Variants in DBF4 observed in about 807,000 individuals in gnomAD.
DBF4 encodes the protein protein DBF4 homolog A.
In DBF4, 25 loss-of-function variants were observed where a neutral mutation model predicts 76.6. The ratio of observed to expected loss-of-function variants is 0.33; its 90% CI spans 0.24 to 0.46. DBF4 has a LOEUF of 0.46. DBF4 is among the 20% of genes least tolerant of loss of function. The pLI is 1.00. For synonymous variants in DBF4, 213 were observed against 258.0 expected, an observed-to-expected ratio of 0.83 and a Z score of 1.67; for missense variants, 638 against 760.8, an observed-to-expected ratio of 0.84 and a Z score of 1.90.
At chr7:87,894,487 A>T (rs1839579237) in intron 6 of DBF4, among the ~76,000 whole-genome samples, 1 of 152,194 alleles carries the variant, frequency 6.6e-6, no homozygotes, top group South Asian at 2.1e-4. Flanking sequence ...GTTTTAAAGA[A>T]AGCGACAGGA....
chr7:87,903,970 A>G (rs891799677), intron 10 of DBF4, among the ~76,000 whole-genome samples: 17 of 152,178 alleles, frequency 1.1e-4, no homozygotes, highest in African/African-American at 3.9e-4. Flanking sequence ...TGCTGGGATT[A>G]CAGGCATGAG....
chr7:87,876,631 A>T lies in DBF4; in HGVS notation c.-102A>T. 1 of 1,313,038 alleles carries T rather than the reference A, an allele frequency of 7.6e-7. No homozygotes were observed. Among genetic ancestry groups the T allele is most frequent in the Non-Finnish European group, 1.1e-6 (1 of 929,892 alleles). The allele number at this position is 1,313,038 out of a possible 1,614,324, so 81.3% of individuals were successfully genotyped here. A position where few individuals can be genotyped will look rare whatever the true frequency, so the allele number is the denominator to read the frequency against. ...TAGAGGCCGTAGCTGGCGGAAGGAG[A>T]GAGGCGGCCGTCCTGTCAACAGGCC... On this transcript the variant is annotated 5_prime_UTR_variant, in exon 1 of 12. Coordinates refer to ENST00000265728, the MANE Select transcript of DBF4 (RefSeq NM_006716.4).
At chr7:87,887,456 T>A in intron 5 of DBF4, 58 bp downstream of exon 5, 1 of 1,487,254 alleles carries the variant, frequency 6.7e-7, no homozygotes, top group South Asian at 1.3e-5. Context: ...ATGTCTGTCC[T>A]TTGGTTCCTG....
At chr7:87,886,967 T>C in intron 4 of DBF4, 73 bp downstream of exon 4, 1 of 1,067,232 alleles carries the variant, frequency 9.4e-7, no homozygotes, top group Non-Finnish European at 1.4e-6. Flanking sequence ...ACAGATATTC[T>C]TGAAATTTTC....
At chr7:87,881,209 C>T (rs201862240) in intron 2 of DBF4, among the ~76,000 whole-genome samples, 43 of 152,218 alleles carry the variant, frequency 2.8e-4, no homozygotes, top group East Asian at 2.3e-3. Context: ...GAGTTTGAGA[C>T]CAGCCTGGCC....
chr7:87,888,519 A>T (rs555328493), intron 6 of DBF4, among the ~76,000 whole-genome samples: 20 of 152,212 alleles, frequency 1.3e-4, no homozygotes, highest in Non-Finnish European at 2.9e-4. Context: ...CGTTCTGTTA[A>T]ACCTAATGTT....
intron 6 of DBF4, among the ~76,000 whole-genome samples, chr7:87,890,334 A>T (rs941329685): frequency 6.6e-6 from 1 of 152,204 alleles, no homozygotes; most frequent in African/African-American, 2.4e-5. Context: ...AGGTCAGGAT[A>T]CCAGCATGAC....
chr7:87,888,327 G>GA lies in DBF4; in HGVS notation c.597+273dup, dbSNP rs1028705417. ...AACAGGTACTTTTATTTATTCTGTA[G>GA]AAAAATCACTAAAATCAGCCTGTTG... On this transcript the variant is annotated intron_variant, in intron 6 of 11. Coordinates refer to ENST00000265728, the MANE Select transcript of DBF4 (RefSeq NM_006716.4). 16 of 984,804 alleles carry GA rather than the reference G, an allele frequency of 1.6e-5. No homozygotes were observed. The East Asian group carries it at 1.0e-3, about 63-fold the overall frequency. The allele number at this position is 984,804 out of a possible 1,614,324, so 61.0% of individuals were successfully genotyped here.
intron 6 of DBF4, among the ~76,000 whole-genome samples, chr7:87,888,671 G>A (rs1246985666): frequency 1.3e-5 from 2 of 152,178 alleles, no homozygotes; most frequent in Non-Finnish European, 2.9e-5. Context: ...TCTAATCCTT[G>A]TAATTCCTCA....
At position 87,876,566 on chromosome 7, in the gene DBF4, C is replaced by T. The variant is rs79407572; in HGVS notation, c.-167C>T. 26 of 691,114 alleles carry T rather than the reference C, an allele frequency of 3.8e-5. No homozygotes were observed. Among genetic ancestry groups the T allele is most frequent in the Middle Eastern group, 4.0e-4 (1 of 2,506 alleles). 42.8% of individuals were successfully genotyped at this position (691,114 alleles called of 1,614,324 possible). On this transcript the variant is annotated 5_prime_UTR_variant, in exon 1 of 12. Coordinates refer to ENST00000265728, the MANE Select transcript of DBF4 (RefSeq NM_006716.4). Reference sequence around the variant, plus strand: ...CTCCGCGCCTTGGAGCCGGATCCGGCCCCGGAAACCCGACCTGCAGACGCG... The same window carrying T: ...CTCCGCGCCTTGGAGCCGGATCCGGTCCCGGAAACCCGACCTGCAGACGCG...
At chr7:87,880,626 ATTACT>A (rs1839188348) in intron 2 of DBF4, among the ~76,000 whole-genome samples, 1 of 151,954 alleles carries the variant, frequency 6.6e-6, no homozygotes, top group African/African-American at 2.4e-5. Flanking sequence ...TCTTCACATC[ATTACT>A]TTAGGTGCCT....
chr7:87,884,948 T>A (rs1839307912), intron 2 of DBF4, 31 bp from the exon 3 acceptor site: 2 of 1,544,628 alleles, frequency 1.3e-6, no homozygotes, highest in African/African-American at 2.8e-5. Context: ...TAAAACAAAT[T>A]TATAAATAAA....
chr7:87,881,846 A>T (rs530545162), intron 2 of DBF4, among the ~76,000 whole-genome samples: 1 of 152,350 alleles, frequency 6.6e-6, no homozygotes, highest in East Asian at 1.9e-4. Context: ...TGCCGTTTGG[A>T]ATCAACAGAG....
At chr7:87,893,678 G>A (rs995306260) in intron 6 of DBF4, among the ~76,000 whole-genome samples, 1 of 152,142 alleles carries the variant, frequency 6.6e-6, no homozygotes, top group Non-Finnish European at 1.5e-5. Context: ...TATTTACATA[G>A]TACTTTTTGC....
chr7:87,907,840 A>G lies in DBF4; in HGVS notation c.1702A>G (p.Ser568Gly). The G allele has an allele frequency of 6.2e-7, 1 of 1,613,866 alleles. No individual in the cohort carries two copies. The highest frequency in any genetic ancestry group is 8.5e-7 in the Non-Finnish European group (1 of 1,179,936). The change falls in exon 12 of 12, where the codon AGT becomes GGT. Residue 568 changes from serine to glycine, a missense_variant. Transcript: ENST00000265728. The part of the protein sequence containing the change: ...PNECDFKNMD[S>G]LPSGKIHRKV... ...TGAATGTGACTTCAAGAATATGGAT[A>G]GTTTACCTTCTGGTAAAATACATCG...
chr7:87,902,905 C>A (rs576413768), intron 10 of DBF4, among the ~76,000 whole-genome samples: 8 of 152,218 alleles, frequency 5.3e-5, no homozygotes, highest in Admixed American at 1.3e-4. Flanking sequence ...AAATTAGGTT[C>A]TTTAATGGTC....
In DBF4 at chr7:87,876,947, C is replaced by T. The variant is rs147089925; in HGVS notation, c.46+169C>T. Among the ~76,000 whole-genome samples, 630 of 152,294 alleles carry T rather than the reference C, an allele frequency of 4.1e-3. 5 individuals carry two copies. The highest frequency in any genetic ancestry group is 6.1e-3 in the Non-Finnish European group (412 of 68,020). On this transcript the variant is annotated intron_variant, in intron 1 of 11. Coordinates refer to ENST00000265728, the MANE Select transcript of DBF4 (RefSeq NM_006716.4). ...GTTCAGTGTTTTGCCTAAGAAGGAA[C>T]GGATCCTGACCCGGCCCCTCGAGCG...
rs768333972 is a variant in DBF4 at position 87,897,375 on chromosome 7, C to G, written c.680+36C>G. 26 of 1,592,936 alleles carry G rather than the reference C, an allele frequency of 1.6e-5. No homozygotes were observed. In the East Asian group the frequency reaches 2.9e-4, roughly 18 times the overall value. On this transcript the variant is annotated intron_variant, in intron 8 of 11. Coordinates refer to ENST00000265728, the MANE Select transcript of DBF4 (RefSeq NM_006716.4). ...AAGTCCAATCTGTATGATTTAAGTG[C>G]AATACTAAAGAGGAAAATCACCTAA...
intron 3 of DBF4, among the ~76,000 whole-genome samples, chr7:87,886,505 A>C (rs1274881384): frequency 7.2e-6 from 1 of 138,492 alleles, no homozygotes; most frequent in East Asian, 2.3e-4. Flanking sequence ...ACTGTACTCT[A>C]GCTTGAGCGA....
Sources: allele counts gnomAD v4.1 joint callset (sites outside exome capture counted in the v4.1 genomes callset), GRCh38; gene constraint gnomAD v4.1.1; transcripts MANE v1.5; gene names NCBI Gene and HGNC (gene_info 2026-07-23, HGNC 2026-07-21).